CADPS2: variants seen among roughly 807,000 people sequenced by gnomAD.
The protein encoded by CADPS2 is calcium-dependent secretion activator 2.
A neutral mutation model predicts 172.5 loss-of-function variants in CADPS2; 93 were observed. That is an observed-to-expected ratio of 0.54 (90% confidence interval 0.46 to 0.64). The LOEUF (loss-of-function observed/expected upper bound fraction) is 0.64. CADPS2 is among the 30% of genes least tolerant of loss of function. The pLI, the probability that CADPS2 is intolerant of heterozygous loss-of-function variation, is 0.00. For synonymous variants in CADPS2, 546 were observed against 555.2 expected (o/e 0.98, Z 0.23); for missense variants, 1,420 against 1,565.9 (o/e 0.91, Z 1.57).
chr7:122,657,250 C>G (rs962924746), intron 3 of CADPS2, among the ~76,000 whole-genome samples: 3 of 152,152 alleles, frequency 2.0e-5, no homozygotes, highest in African/African-American at 7.2e-5. Context: ...CGTGATGCCT[C>G]CAGCTTTGTT....
intron 1 of CADPS2, among the ~76,000 whole-genome samples, chr7:122,823,000 A>G (rs1240446282): frequency 6.6e-6 from 1 of 152,136 alleles, no homozygotes; most frequent in Non-Finnish European, 1.5e-5. Flanking sequence ...CACGCATGAA[A>G]ATTTTCACTA....
At chr7:122,870,993 T>C (rs1336469201) in intron 1 of CADPS2, among the ~76,000 whole-genome samples, 7 of 152,078 alleles carry the variant, frequency 4.6e-5, no homozygotes, top group Non-Finnish European at 1.0e-4. Flanking sequence ...AATTATTTTA[T>C]GTATCTTCCC....
chr7:122,410,995 A>G (rs1017014958), intron 19 of CADPS2, among the ~76,000 whole-genome samples: 1 of 152,138 alleles, frequency 6.6e-6, no homozygotes, highest in African/African-American at 2.4e-5. Context: ...TAACAAAGCA[A>G]TGATTGAATC....
intron 8 of CADPS2, among the ~76,000 whole-genome samples, chr7:122,544,466 A>G (rs962617857): frequency 6.6e-6 from 1 of 152,150 alleles, no homozygotes; most frequent in African/African-American, 2.4e-5. Flanking sequence ...TTATGAGCCT[A>G]TAGTTTATTA....
At chr7:122,457,968 C>T (rs374491909) in intron 14 of CADPS2, among the ~76,000 whole-genome samples, 1 of 152,304 alleles carries the variant, frequency 6.6e-6, no homozygotes, top group East Asian at 1.9e-4. Flanking sequence ...CCATCTCCAA[C>T]TCATCAGGTA....
chr7:122,435,899 T>C (rs1357923617), intron 17 of CADPS2, among the ~76,000 whole-genome samples: 3 of 152,098 alleles, frequency 2.0e-5, no homozygotes, highest in Non-Finnish European at 2.9e-5. Flanking sequence ...ATACCACTTA[T>C]ATGAGGAATC....
intron 6 of CADPS2, among the ~76,000 whole-genome samples, chr7:122,607,377 G>C (rs1425616910): frequency 6.6e-6 from 1 of 152,114 alleles, no homozygotes; most frequent in African/African-American, 2.4e-5. Context: ...TTGTGCTGTG[G>C]TAAGAATTAA....
chr7:122,481,603 G>A (rs2057314797), intron 11 of CADPS2, among the ~76,000 whole-genome samples: 1 of 151,628 alleles, frequency 6.6e-6, no homozygotes, highest in South Asian at 2.1e-4. Flanking sequence ...AGGCAGGTGT[G>A]GTAGCATACA....
intron 1 of CADPS2, among the ~76,000 whole-genome samples, chr7:122,862,244 G>A (rs1007857756): frequency 6.6e-5 from 10 of 152,202 alleles, no homozygotes; most frequent in African/African-American, 1.9e-4. Flanking sequence ...AAACATCCCA[G>A]TCTGGATATT....
chr7:122,409,077 G>GT, intron 19 of CADPS2, among the ~76,000 whole-genome samples: 2 of 152,242 alleles, frequency 1.3e-5, no homozygotes, highest in South Asian at 4.1e-4. Context: ...TGAGCATACT[G>GT]TTTTTTGCAT....
rs190145096 is a variant in CADPS2, at chr7:122,388,776, C to T, written c.3009-38G>A. The T allele has an allele frequency of 3.8e-4, 596 of 1,555,072 alleles. 1 individual carries two copies. Among genetic ancestry groups the T allele is most frequent in the Middle Eastern group, 7.3e-4 (4 of 5,498 alleles). On this transcript the variant is annotated intron_variant, in intron 22 of 29. Transcript: ENST00000449022. ...GGAAAAATGAACATCATGAACTCCC[C>T]GTTAATTAGGTATACCATTAATACA...
intron 1 of CADPS2, among the ~76,000 whole-genome samples, chr7:122,816,665 T>G (rs923954508): frequency 6.6e-6 from 1 of 152,104 alleles, no homozygotes; most frequent in African/African-American, 2.4e-5. Flanking sequence ...GTAGGAAGAG[T>G]TCCCCTTTCT....
chr7:122,725,465 A>G (rs1053794438), intron 2 of CADPS2, among the ~76,000 whole-genome samples: 2 of 151,740 alleles, frequency 1.3e-5, no homozygotes, highest in Non-Finnish European at 2.9e-5. Flanking sequence ...GATATACTGC[A>G]TGGACCATCT....
At chr7:122,807,048 G>C (rs563240629) in intron 1 of CADPS2, among the ~76,000 whole-genome samples, 4 of 152,330 alleles carry the variant, frequency 2.6e-5, no homozygotes, top group African/African-American at 9.6e-5. Flanking sequence ...TAAGGACAGA[G>C]CAAGAGGAAG....
intron 1 of CADPS2, among the ~76,000 whole-genome samples, chr7:122,831,190 C>A (rs1055959340): frequency 1.3e-5 from 2 of 152,058 alleles, no homozygotes; most frequent in Non-Finnish European, 2.9e-5. Context: ...TATTATTATT[C>A]AACTCCTGTC....
intron 2 of CADPS2, among the ~76,000 whole-genome samples, chr7:122,683,884 G>C (rs1182526524): frequency 2.0e-5 from 3 of 152,044 alleles, no homozygotes; most frequent in African/African-American, 7.2e-5. Flanking sequence ...GGTTCACTGT[G>C]TCTACACTGT....
chr7:122,629,442 T>A, intron 3 of CADPS2, 114 bp from the exon 4 acceptor site: 1 of 560,638 alleles, frequency 1.8e-6, no homozygotes, highest in Non-Finnish European at 2.9e-6. Context: ...GAAAAATGTT[T>A]AATAGATTGT....
At chr7:122,463,426 T>C (rs2054719383) in intron 14 of CADPS2, among the ~76,000 whole-genome samples, 2 of 152,012 alleles carry the variant, frequency 1.3e-5, no homozygotes, top group South Asian at 4.2e-4. Context: ...TTCATGCCAT[T>C]CTCCTGCCTC....
intron 8 of CADPS2, among the ~76,000 whole-genome samples, chr7:122,543,884 C>T (rs781409986): frequency 6.6e-5 from 10 of 151,668 alleles, no homozygotes; most frequent in Non-Finnish European, 2.9e-5. Flanking sequence ...TAACTATAAA[C>T]AAAAACATGT....
Sources: gnomAD v4.1 joint callset for allele counts (sites outside exome capture counted in the v4.1 genomes callset) on GRCh38, gnomAD v4.1.1 for gene constraint, MANE v1.5 for transcripts, NCBI Gene and HGNC (gene_info 2026-07-23, HGNC 2026-07-21) for gene names.